The following DROSHA variants were observed in gnomAD, a reference collection of about 807,000 sequenced individuals.
DROSHA encodes ribonuclease 3.
In DROSHA, 56 loss-of-function variants were observed where a neutral mutation model predicts 181.9. The observed-to-expected ratio is 0.31, with a 90% CI of 0.25 to 0.38. The LOEUF (loss-of-function observed/expected upper bound fraction) is 0.38, where lower values mean the gene tolerates loss of function less well. DROSHA is among the 10% of genes least tolerant of loss of function. The pLI, the probability that DROSHA is intolerant of heterozygous loss-of-function variation, is 1.00. For synonymous variants in DROSHA, 524 were observed against 591.2 expected, an observed-to-expected ratio of 0.89 and a Z score of 1.65; for missense variants, 1,218 against 1,743.5, an observed-to-expected ratio of 0.70 and a Z score of 5.37.
chr5:31,525,085 C>T lies in DROSHA; in HGVS notation c.854+994G>A, dbSNP rs748827500. Reference sequence around the variant, plus strand: ...GTGGCTCACACCTGTAATCCCAGCACTTTGGGAGGCCGAGGGGGGCTGATC... The same window carrying T: ...GTGGCTCACACCTGTAATCCCAGCATTTTGGGAGGCCGAGGGGGGCTGATC... On this transcript the variant is annotated intron_variant, in intron 5 of 35. Coordinates refer to ENST00000344624, the MANE Select transcript of DROSHA (RefSeq NM_001382508.1). Among the ~76,000 whole-genome samples the T allele has an allele frequency of 2.0e-4, 31 of 152,078 alleles. 1 individual carries two copies. Among genetic ancestry groups the T allele is most frequent in the Middle Eastern group, 6.8e-3 (2 of 294 alleles).
intron 6 of DROSHA, among the ~76,000 whole-genome samples, chr5:31,517,686 G>A (rs919390666): frequency 6.6e-6 from 1 of 152,042 alleles, no homozygotes; most frequent in African/African-American, 2.4e-5. Flanking sequence ...TACTTCCAGA[G>A]TAAGTATCCT....
At chr5:31,508,512 A>C in intron 10 of DROSHA, 109 bp downstream of exon 10, 4 of 1,499,082 alleles carry the variant, frequency 2.7e-6, no homozygotes, top group African/African-American at 1.4e-5. Context: ...CAAAACCCTG[A>C]CAGTAAAATT....
chr5:31,425,637 A>AC (rs1743366999), intron 27 of DROSHA, among the ~76,000 whole-genome samples: 3 of 152,144 alleles, frequency 2.0e-5, no homozygotes, highest in Admixed American at 2.0e-4. Context: ...CTTCTGCTGC[A>AC]GCACTGACCT....
rs680177 is a variant in DROSHA, at chr5:31,429,563, A to C, written c.3146-18T>G. On this transcript the variant is annotated intron_variant, in intron 26 of 35. Transcript: ENST00000344624. ...AACAGCTCCTAGATGAAAAACAGAG[A>C]ATGCCAAAAGAGAGTCTCCATCAAC... 5.6e-3 allele frequency: 8,926 copies of C among 1,607,618 alleles called. 427 individuals carry two copies. The African/African-American group carries it at 0.1, about 18-fold the overall frequency.
At chr5:31,453,536 G>GT (rs562186200) in intron 20 of DROSHA, among the ~76,000 whole-genome samples, 19 of 152,156 alleles carry the variant, frequency 1.2e-4, no homozygotes, top group Non-Finnish European at 2.8e-4. Context: ...GCCCAAATCT[G>GT]TATCTTTGGA....
chr5:31,526,793 GGCT>G lies in DROSHA; in HGVS notation c.137_139del (p.Gln46del), dbSNP rs749820826. 3.1e-6 allele frequency: 5 copies of G among 1,609,968 alleles called. No homozygotes were observed. In the Middle Eastern group the frequency reaches 8.5e-4, roughly 272 times the overall value. On this transcript the variant is annotated inframe_deletion, in exon 5 of 36. Transcript: ENST00000344624. The stretch of plus-strand genomic sequence containing the variant: ...AGGTTCATATTGATATTGCACAGGA[GGCT>G]GCTGAGGGTGAAGCAGCCTCAGATT...
chr5:31,449,184 G>A (rs924857592), intron 22 of DROSHA, 97 bp downstream of exon 22: 3 of 1,448,064 alleles, frequency 2.1e-6, no homozygotes, highest in East Asian at 2.4e-5. Context: ...GACGGTGAAA[G>A]AGTCACCCAG....
At chr5:31,457,253 A>G (rs913468379) in intron 20 of DROSHA, among the ~76,000 whole-genome samples, 3 of 148,840 alleles carry the variant, frequency 2.0e-5, no homozygotes, top group Non-Finnish European at 4.4e-5. Context: ...CCTCCCAGGT[A>G]GCTGGGACTA....
chr5:31,422,866 T>C lies in DROSHA; in HGVS notation c.3340A>G (p.Ile1114Val), dbSNP rs748062041. ...CGAACATGAGTAAAAATTACTCCAATTGCTTCTTCAAACTCAGTAAGTTTT... is the reference window on the plus strand; with the variant it reads ...CGAACATGAGTAAAAATTACTCCAACTGCTTCTTCAAACTCAGTAAGTTTT... ...LQKLTEFEEAIGVIFTHVRLL... is the reference protein window; with the variant it reads ...LQKLTEFEEAVGVIFTHVRLL... Residue 1114 changes from isoleucine to valine, a missense_variant, in exon 29 of 36, where the codon ATT becomes GTT. This residue lies in a region of DROSHA where 71 missense variants were observed against 95.2 expected (regional missense o/e 0.75). Transcript: ENST00000344624. 1.2e-6 allele frequency: 2 copies of C among 1,613,488 alleles called. No individual in the cohort carries two copies. The highest frequency in any genetic ancestry group is 1.7e-5 in the Admixed American group (1 of 59,910).
At chr5:31,402,212 A>G (rs1482008431) in intron 35 of DROSHA, among the ~76,000 whole-genome samples, 1 of 152,176 alleles carries the variant, frequency 6.6e-6, no homozygotes, top group African/African-American at 2.4e-5. Context: ...AGAATCCAAG[A>G]TGTGGGCGAG....
chr5:31,425,054 A>T lies in DROSHA; in HGVS notation c.3217-583T>A, dbSNP rs574389013. ...GTATATTACTTTATCCACTGACTTA[A>T]ATCTAGAGGTTATAATGAGAACTTC... On this transcript the variant is annotated intron_variant, in intron 27 of 35. Coordinates refer to ENST00000344624, the MANE Select transcript of DROSHA (RefSeq NM_001382508.1). 4.6e-5 allele frequency among the ~76,000 whole-genome samples: 7 copies of T among 152,256 alleles called. No individual in the cohort carries two copies. In the South Asian group the frequency reaches 1.4e-3, roughly 32 times the overall value.
In DROSHA at chr5:31,512,691, C is replaced by T. The variant is rs551807168; in HGVS notation, c.1291-1515G>A. Among the ~76,000 whole-genome samples the T allele has an allele frequency of 3.3e-4, 51 of 152,276 alleles. 1 individual carries two copies. Among genetic ancestry groups the T allele is most frequent in the Middle Eastern group, 6.8e-3 (2 of 294 alleles). Reference sequence around the variant, plus strand: ...TCAGGGAACCTTTGCCAACAGGGGTCAGAGATACAACAGAAAAAGAGGCAA... The same window carrying T: ...TCAGGGAACCTTTGCCAACAGGGGTTAGAGATACAACAGAAAAAGAGGCAA... On this transcript the variant is annotated intron_variant, in intron 8 of 35. Coordinates refer to ENST00000344624, the MANE Select transcript of DROSHA (RefSeq NM_001382508.1).
At chr5:31,428,416 A>G (rs1172141711) in intron 27 of DROSHA, among the ~76,000 whole-genome samples, 1 of 152,198 alleles carries the variant, frequency 6.6e-6, no homozygotes, top group East Asian at 1.9e-4. Flanking sequence ...AAGATTTGAG[A>G]AAAGGTCTTA....
At chr5:31,447,529 A>G (rs1580127103) in intron 23 of DROSHA, among the ~76,000 whole-genome samples, 1 of 152,366 alleles carries the variant, frequency 6.6e-6, no homozygotes, top group Admixed American at 6.5e-5. Flanking sequence ...AACTTCATCA[A>G]AAGTTTAGTA....
At position 31,529,035 on chromosome 5, in the gene DROSHA, C is replaced by T. The variant is rs1189361587; in HGVS notation, c.20+5G>A. The T allele has an allele frequency of 6.8e-6, 11 of 1,613,212 alleles. No individual in the cohort carries two copies. In the African/African-American group the frequency reaches 1.1e-4, roughly 16 times the overall value. On this transcript the variant is annotated splice_donor_5th_base_variant and intron_variant, in intron 4 of 35. Coordinates refer to ENST00000344624, the MANE Select transcript of DROSHA (RefSeq NM_001382508.1). ...AACTATTGCCATTCCCATCACGGCA[C>T]TCACCATGTGTTTCCCTGCATCATG...
chr5:31,431,751 T>C, intron 25 of DROSHA, 73 bp from the exon 26 acceptor site: 1 of 1,421,238 alleles, frequency 7.0e-7, no homozygotes, highest in Non-Finnish European at 9.9e-7. Flanking sequence ...CAGCATCTCT[T>C]GCAGAGAGTT....
intron 21 of DROSHA, 93 bp downstream of exon 21, chr5:31,451,440 C>G: frequency 9.3e-7 from 1 of 1,069,562 alleles, no homozygotes. Flanking sequence ...TTGTCACATC[C>G]CAGGATAGAG....
intron 12 of DROSHA, among the ~76,000 whole-genome samples, chr5:31,494,652 T>G (rs1184858888): frequency 6.6e-6 from 1 of 151,976 alleles, no homozygotes; most frequent in East Asian, 1.9e-4. Context: ...GCAAAAATGG[T>G]ACAGCCACTT....
chr5:31,494,738 TAAAGTGGTG>T (rs1752767135), intron 12 of DROSHA, among the ~76,000 whole-genome samples: 2 of 151,702 alleles, frequency 1.3e-5, no homozygotes, highest in Non-Finnish European at 2.9e-5. Flanking sequence ...CAGGCTGGAG[TAAAGTGGTG>T]CGATCTCGGC....
Sources: allele counts gnomAD v4.1 joint callset (sites outside exome capture counted in the v4.1 genomes callset), GRCh38; gene constraint gnomAD v4.1.1; regional missense constraint gnomAD v4.1.1; transcripts MANE v1.5; gene names NCBI Gene and HGNC (gene_info 2026-07-23, HGNC 2026-07-21).